The following ZXDC variants were observed in gnomAD, a reference collection of about 807,000 sequenced individuals.
ZXDC encodes zinc finger protein ZXDC.
Under a neutral mutation model 63.6 loss-of-function variants are expected in ZXDC, and 58 were observed. The observed-to-expected ratio is 0.91, with a 90% CI of 0.74 to 1.13. The LOEUF (loss-of-function observed/expected upper bound fraction) is 1.13. Ranked by LOEUF, ZXDC falls within the 50% of genes most tolerant of loss-of-function variation. ZXDC has a pLI of 0.00. For missense variants in ZXDC, 1,133 were observed against 1,148.9 expected (o/e 0.99, Z 0.20); for synonymous variants, 561 against 496.1 (o/e 1.13, Z -1.74).
Position 126,462,343 on chromosome 3 carries a change from C to T in ZXDC, c.1442-123G>A, listed in dbSNP as rs991372565. On this transcript the variant is annotated intron_variant, in intron 5 of 9. Transcript: ENST00000389709. ...GCACTGACTGTCCTCTTCCCACACC[C>T]TGAAGCTTGGTTATCACGACAGAGT... 2.1e-6 allele frequency: 3 copies of T among 1,432,884 alleles called. No homozygotes were observed. In the African/African-American group the frequency reaches 4.3e-5, roughly 20 times the overall value. 88.8% of individuals were successfully genotyped at this position (1,432,884 alleles called of 1,614,324 possible). A position where few individuals can be genotyped will look rare whatever the true frequency, so the allele number is the denominator to read the frequency against.
rs774149952 is a variant in ZXDC at position 126,475,634 on chromosome 3, G to C, written c.232C>G (p.Leu78Val). ...GCGCCGCCGTGCGGCACTTCCAGCAGCACCAAGAAAGAGTCGCCGTCGCTG... is the reference window on the plus strand; with the variant it reads ...GCGCCGCCGTGCGGCACTTCCAGCACCACCAAGAAAGAGTCGCCGTCGCTG... ...DDSDGDSFLV[L>V]LEVPHGGAAA... The change falls in exon 1 of 10, where the codon CTG becomes GTG. Residue 78 changes from leucine (L) to valine (V), a missense_variant. Coordinates refer to ENST00000389709, the MANE Select transcript of ZXDC (RefSeq NM_025112.5). The C allele has an allele frequency of 8.8e-6, 13 of 1,473,028 alleles. No homozygotes were observed. In the Admixed American group the frequency reaches 2.3e-4, roughly 26 times the overall value. 91.2% of individuals were successfully genotyped at this position (1,473,028 alleles called of 1,614,324 possible).
chr3:126,448,331 A>C (rs1272789644), intron 7 of ZXDC, among the ~76,000 whole-genome samples: 2 of 152,326 alleles, frequency 1.3e-5, no homozygotes, highest in East Asian at 3.9e-4. Flanking sequence ...GGCCCTGCAC[A>C]TGGAGCTTAC....
intron 7 of ZXDC, chr3:126,452,544 GAAT>G (rs1934147760): frequency 2.0e-6 from 2 of 985,358 alleles, no homozygotes; most frequent in Non-Finnish European, 2.4e-6. Flanking sequence ...TTTGTTGAGA[GAAT>G]AATAAAGTTA....
intron 5 of ZXDC, 124 bp from the exon 6 acceptor site, chr3:126,462,344 T>C: frequency 7.0e-7 from 1 of 1,427,218 alleles, no homozygotes; most frequent in Non-Finnish European, 9.2e-7. Context: ...TCCCACACCC[T>C]GAAGCTTGGT....
At position 126,461,832 on chromosome 3, in the gene ZXDC, G is replaced by T; in HGVS notation, c.1830C>A (p.Gly610=). The T allele has an allele frequency of 1.2e-6, 2 of 1,614,198 alleles. No individual in the cohort carries two copies. Among genetic ancestry groups the T allele is most frequent in the Non-Finnish European group, 1.7e-6 (2 of 1,180,042 alleles). The change falls in exon 6 of 10, where the codon GGC becomes GGA. Residue 610 remains glycine (G), a synonymous_variant. Transcript: ENST00000389709. Reference sequence around the variant, plus strand: ...TCTTCATGGGCAGAGCCACCAGACAGCCTAATGCTCCTGCACTCACAGTCT... The same window carrying T: ...TCTTCATGGGCAGAGCCACCAGACATCCTAATGCTCCTGCACTCACAGTCT... ...DVQTVSAGAL[G]CLVALPMKNL...
chr3:126,449,155 T>C (rs1417050370), intron 7 of ZXDC, among the ~76,000 whole-genome samples: 1 of 152,254 alleles, frequency 6.6e-6, no homozygotes, highest in Non-Finnish European at 1.5e-5. Flanking sequence ...CTTACTTTGT[T>C]CTGACAAAAT....
chr3:126,442,102 T>C, intron 7 of ZXDC, 156 bp from the exon 8 acceptor site: 1 of 847,996 alleles, frequency 1.2e-6, no homozygotes, highest in East Asian at 3.3e-5. Context: ...AAATCAAGAG[T>C]TAAGAGGTTG....
intron 6 of ZXDC, chr3:126,460,853 C>T (rs1162029868): frequency 1.0e-6 from 1 of 985,208 alleles, no homozygotes; most frequent in African/African-American, 1.7e-5. Context: ...GTAACATTCT[C>T]AACAATATAA....
chr3:126,460,857 A>G, intron 6 of ZXDC: 2 of 985,448 alleles, frequency 2.0e-6, no homozygotes, highest in African/African-American at 3.5e-5. Context: ...CATTCTCAAC[A>G]ATATAAATGT....
Position 126,441,758 on chromosome 3 carries a change from C to CTGGCCAGT in ZXDC, c.2394+6_2394+7insACTGGCCA, listed in dbSNP as rs1560088147. Reference sequence around the variant, plus strand: ...ACAGCTGGCCTGTGTGACTGGCCAGCTCTCACCTGCACCAGCTGGACCTGG... The same window carrying CTGGCCAGT: ...ACAGCTGGCCTGTGTGACTGGCCAGCTGGCCAGTTCTCACCTGCACCAGCTGGACCTGG... On this transcript the variant is annotated splice_region_variant and intron_variant, in intron 8 of 9. Coordinates refer to ENST00000389709, the MANE Select transcript of ZXDC (RefSeq NM_025112.5). 2 of 1,583,670 alleles carry CTGGCCAGT rather than the reference C, an allele frequency of 1.3e-6. No homozygotes were observed. Among genetic ancestry groups the CTGGCCAGT allele is most frequent in the African/African-American group, 2.7e-5 (2 of 74,202 alleles).
At chr3:126,447,492 G>T (rs928784104) in intron 7 of ZXDC, among the ~76,000 whole-genome samples, 2 of 152,110 alleles carry the variant, frequency 1.3e-5, no homozygotes, top group East Asian at 3.9e-4. Flanking sequence ...CAATGACTTT[G>T]TCATTAAGTA....
intron 4 of ZXDC, among the ~76,000 whole-genome samples, chr3:126,468,618 C>T (rs1292588129): frequency 6.6e-6 from 1 of 152,194 alleles, no homozygotes; most frequent in African/African-American, 2.4e-5. Flanking sequence ...CCAACTCCCA[C>T]CTTTCCCCTT....
At chr3:126,465,042 C>T (rs1934700748) in intron 5 of ZXDC, among the ~76,000 whole-genome samples, 1 of 152,196 alleles carries the variant, frequency 6.6e-6, no homozygotes, top group South Asian at 2.1e-4. Flanking sequence ...GAGGCCTGTC[C>T]CTTGCCAACG....
intron 7 of ZXDC, among the ~76,000 whole-genome samples, chr3:126,445,072 C>T (rs1471671069): frequency 2.6e-5 from 4 of 152,280 alleles, no homozygotes; most frequent in African/African-American, 9.6e-5. Context: ...TCTTTTCAAT[C>T]CGCACATTTA....
chr3:126,467,364 G>A lies in ZXDC; in HGVS notation c.1271-1039C>T, dbSNP rs557486620. On this transcript the variant is annotated intron_variant, in intron 4 of 9. Coordinates refer to ENST00000389709, the MANE Select transcript of ZXDC (RefSeq NM_025112.5). The stretch of plus-strand genomic sequence containing the variant: ...GTCTCCTTTTTCTGTTCTGTGAAAC[G>A]GGAGTGACACCTACCTCACAGGGGT... 6.3e-4 allele frequency among the ~76,000 whole-genome samples: 96 copies of A among 152,270 alleles called. 1 individual carries two copies. The South Asian group carries it at 0.018, about 28-fold the overall frequency.
intron 6 of ZXDC, 35 bp from the exon 7 acceptor site, chr3:126,459,772 T>C (rs1314716541): frequency 4.3e-5 from 69 of 1,613,976 alleles, no homozygotes; most frequent in Non-Finnish European, 5.5e-5. Flanking sequence ...GTCACTTATC[T>C]AGACACAAAG....
At chr3:126,460,376 C>A in intron 6 of ZXDC, 1 of 731,584 alleles carries the variant, frequency 1.4e-6, no homozygotes, top group Non-Finnish European at 1.7e-6. Flanking sequence ...CGTAGCATAC[C>A]TGGGACCCAT....
chr3:126,441,782 G>A lies in ZXDC; in HGVS notation c.2377C>T (p.Gln793Ter). 6.2e-7 allele frequency: 1 copy of A among 1,602,346 alleles called. No individual in the cohort carries two copies. Among genetic ancestry groups the A allele is most frequent in the Non-Finnish European group, 8.5e-7 (1 of 1,175,990 alleles). ...GCTCTCACCTGCACCAGCTGGACCTGGACGCCCTGCGCCCCGCACTGCACC... is the reference window on the plus strand; with the variant it reads ...GCTCTCACCTGCACCAGCTGGACCTAGACGCCCTGCGCCCCGCACTGCACC... ...AGVQCGAQGV[Q>*]VQLVQDDPSG... is the part of the protein sequence containing the mutation. Residue 793 changes from glutamine (Q) to a stop codon, truncating the protein, a stop_gained, in exon 8 of 10, where the codon CAG (glutamine) becomes TAG (stop). Coordinates refer to ENST00000389709, the MANE Select transcript of ZXDC (RefSeq NM_025112.5). LOFTEE classifies it high-confidence loss of function.
intron 7 of ZXDC, among the ~76,000 whole-genome samples, chr3:126,447,332 CATT>C (rs1316103782): frequency 6.6e-6 from 1 of 152,218 alleles, no homozygotes; most frequent in Non-Finnish European, 1.5e-5. Flanking sequence ...CTTTTACTGT[CATT>C]ATGAATAAGG....
Sources: gnomAD v4.1 joint callset for allele counts (sites outside exome capture counted in the v4.1 genomes callset) on GRCh38, gnomAD v4.1.1 for gene constraint, MANE v1.5 for transcripts, NCBI Gene and HGNC (gene_info 2026-07-23, HGNC 2026-07-21) for gene names.